Variants in MARCHF1 observed in about 807,000 individuals in gnomAD.
MARCHF1 encodes membrane associated ring-CH-type finger 1.
In MARCHF1, 40 loss-of-function variants were observed where a neutral mutation model predicts 54.2. The ratio of observed to expected loss-of-function variants is 0.74; its 90% CI spans 0.57 to 0.96. The LOEUF is 0.96. MARCHF1 is among the 40% of genes least tolerant of loss of function. The pLI, the probability that MARCHF1 is intolerant of heterozygous loss-of-function variation, is 0.00. For missense variants in MARCHF1, 586 were observed against 656.5 expected (o/e 0.89, Z 1.17); for synonymous variants, 236 against 236.3 (o/e 1.00, Z 0.01).
At chr4:163,912,508 C>T (rs868335123) in intron 3 of MARCHF1, among the ~76,000 whole-genome samples, 30 of 152,178 alleles carry the variant, frequency 2.0e-4, no homozygotes, top group African/African-American at 6.7e-4. Flanking sequence ...AATACATTTG[C>T]GTACAAGAAA....
At chr4:163,750,734 G>A (rs1030061141) in intron 4 of MARCHF1, among the ~76,000 whole-genome samples, 1 of 151,928 alleles carries the variant, frequency 6.6e-6, no homozygotes, top group African/African-American at 2.4e-5. Context: ...ATTTAGGGGA[G>A]AAAAATGAAA....
At chr4:164,066,524 C>A (rs900449352) in intron 2 of MARCHF1, among the ~76,000 whole-genome samples, 1 of 152,076 alleles carries the variant, frequency 6.6e-6, no homozygotes, top group African/African-American at 2.4e-5. Context: ...TGGGTATATA[C>A]CCACAGGAAT....
intron 1 of MARCHF1, among the ~76,000 whole-genome samples, chr4:164,341,206 GA>G (rs1289589653): frequency 4.7e-5 from 7 of 150,222 alleles, no homozygotes; most frequent in African/African-American, 1.7e-4. Context: ...AACCAATTAG[GA>G]ATAGAAGTAA....
chr4:164,346,340 A>G (rs895285440), intron 1 of MARCHF1, among the ~76,000 whole-genome samples: 5 of 152,188 alleles, frequency 3.3e-5, no homozygotes, highest in Non-Finnish European at 7.3e-5. Flanking sequence ...AGGTAGAACC[A>G]CTGACATGGT....
chr4:164,300,190 A>G (rs1471712863), intron 1 of MARCHF1, among the ~76,000 whole-genome samples: 2 of 152,160 alleles, frequency 1.3e-5, no homozygotes, highest in African/African-American at 2.4e-5. Flanking sequence ...GAACATCATT[A>G]TCATCATTAT....
chr4:163,808,151 C>A (rs750911228), intron 4 of MARCHF1, among the ~76,000 whole-genome samples: 1 of 152,194 alleles, frequency 6.6e-6, no homozygotes, highest in Non-Finnish European at 1.5e-5. Context: ...TCCAACTAGG[C>A]AATGTAACTG....
intron 5 of MARCHF1, among the ~76,000 whole-genome samples, chr4:163,636,460 CAG>C (rs1314958662): frequency 6.8e-6 from 1 of 146,772 alleles, no homozygotes; most frequent in Non-Finnish European, 1.5e-5. Context: ...AACAGACAAA[CAG>C]AGAGCCAAAT....
At chr4:164,350,364 G>A (rs1281531524) in intron 1 of MARCHF1, among the ~76,000 whole-genome samples, 1 of 152,038 alleles carries the variant, frequency 6.6e-6, no homozygotes, top group Non-Finnish European at 1.5e-5. Context: ...TGGGGGGAAG[G>A]GAGGATAGGG....
intron 2 of MARCHF1, among the ~76,000 whole-genome samples, chr4:164,089,527 G>C (rs1484216144): frequency 6.6e-6 from 1 of 152,068 alleles, no homozygotes; most frequent in African/African-American, 2.4e-5. Context: ...TAAAATGGCT[G>C]CATATGTCCA....
intron 5 of MARCHF1, among the ~76,000 whole-genome samples, chr4:163,644,199 A>T (rs939950960): frequency 2.6e-5 from 4 of 152,162 alleles, no homozygotes; most frequent in African/African-American, 9.7e-5. Flanking sequence ...GTTAGAATAG[A>T]AGGTCCACCA....
chr4:163,808,638 G>A lies in MARCHF1; in HGVS notation c.111+45383C>T, dbSNP rs534220761. ...GTCTGGAGTGCAGTGGCGTGATCTC[G>A]GCTCACTGCAACCTCCACCTCCTGG... On this transcript the variant is annotated intron_variant, in intron 4 of 9. Coordinates refer to ENST00000514618, the MANE Select transcript of MARCHF1 (RefSeq NM_001394959.1). Among the ~76,000 whole-genome samples the A allele has an allele frequency of 6.6e-5, 10 of 152,020 alleles. No individual in the cohort carries two copies. The East Asian group carries it at 1.9e-3, about 29-fold the overall frequency.
At chr4:164,146,026 C>T (rs201817760) in intron 1 of MARCHF1, among the ~76,000 whole-genome samples, 6,624 of 53,102 alleles carry the variant, frequency 0.12, 594 homozygotes, top group African/African-American at 0.28. Flanking sequence ...TATACACCAA[C>T]AACAGACAAA....
At chr4:164,085,426 A>G (rs1466048126) in intron 2 of MARCHF1, among the ~76,000 whole-genome samples, 1 of 151,794 alleles carries the variant, frequency 6.6e-6, no homozygotes, top group African/African-American at 2.4e-5. Flanking sequence ...GAAATGTCTT[A>G]TTTTCTTCAC....
At chr4:163,862,385 A>T (rs1749958321) in intron 3 of MARCHF1, among the ~76,000 whole-genome samples, 1 of 152,076 alleles carries the variant, frequency 6.6e-6, no homozygotes, top group African/African-American at 2.4e-5. Context: ...ATCTAATAAA[A>T]ATAAGCAAAT....
chr4:163,849,074 T>C (rs1353007090), intron 4 of MARCHF1, among the ~76,000 whole-genome samples: 1 of 152,180 alleles, frequency 6.6e-6, no homozygotes, highest in Non-Finnish European at 1.5e-5. Context: ...TTGTGTTTAG[T>C]CAAATATGTA....
At chr4:163,609,270 C>G (rs986355587) in intron 7 of MARCHF1, among the ~76,000 whole-genome samples, 1 of 151,990 alleles carries the variant, frequency 6.6e-6, no homozygotes, top group African/African-American at 2.4e-5. Context: ...TGTAATTGAA[C>G]TCACTATGTC....
chr4:163,996,950 T>G (rs1753088961), intron 2 of MARCHF1, among the ~76,000 whole-genome samples: 1 of 152,024 alleles, frequency 6.6e-6, no homozygotes, highest in South Asian at 2.1e-4. Flanking sequence ...ACCATGACAA[T>G]ATATTTCTAT....
chr4:163,588,118 T>G (rs980967442), intron 7 of MARCHF1, among the ~76,000 whole-genome samples: 1 of 152,176 alleles, frequency 6.6e-6, no homozygotes, highest in Non-Finnish European at 1.5e-5. Flanking sequence ...CACTGCCATC[T>G]AAAGTCCCGG....
intron 3 of MARCHF1, among the ~76,000 whole-genome samples, chr4:163,942,313 A>G (rs1207122618): frequency 6.6e-6 from 1 of 152,212 alleles, no homozygotes; most frequent in African/African-American, 2.4e-5. Context: ...TCTCCTTCGT[A>G]TACAGTTCTT....
Sources: allele counts gnomAD v4.1 joint callset (sites outside exome capture counted in the v4.1 genomes callset), GRCh38; gene constraint gnomAD v4.1.1; transcripts MANE v1.5; gene names NCBI Gene and HGNC (gene_info 2026-07-23, HGNC 2026-07-21).